Variants in PIK3CA observed in about 807,000 individuals in gnomAD.
The protein encoded by PIK3CA is phosphatidylinositol-4,5-bisphosphate 3-kinase catalytic subunit alpha.
Under a neutral mutation model 138.2 loss-of-function variants are expected in PIK3CA, and 27 were observed. That is an observed-to-expected ratio of 0.20 (90% confidence interval 0.14 to 0.27). PIK3CA has a LOEUF of 0.27. Ranked by LOEUF, PIK3CA falls within the 10% of genes least tolerant of loss-of-function variation. The pLI is 1.00. For missense variants in PIK3CA, 544 were observed against 1,277.4 expected (o/e 0.43, Z 8.75); for synonymous variants, 358 against 413.2 (o/e 0.87, Z 1.62).
At position 179,148,478 on chromosome 3, in the gene PIK3CA, C is replaced by A. The variant is rs1256974000; in HGVS notation, c.-202C>A. ...GCCCGGCCGGGCAGCTCCGGAGCGGCGGGGGAGAGGGGCCGGGAGGCGGGG... is the reference window on the plus strand; with the variant it reads ...GCCCGGCCGGGCAGCTCCGGAGCGGAGGGGGAGAGGGGCCGGGAGGCGGGG... On this transcript the variant is annotated 5_prime_UTR_variant, in exon 1 of 21. Coordinates refer to ENST00000263967, the MANE Select transcript of PIK3CA (RefSeq NM_006218.4). 1 of 149,534 alleles carries A rather than the reference C, an allele frequency of 6.7e-6. No homozygotes were observed. The highest frequency in any genetic ancestry group is 2.5e-5 in the African/African-American group (1 of 40,700). 9.3% of individuals were successfully genotyped at this position (149,534 alleles called of 1,614,324 possible).
intron 1 of PIK3CA, among the ~76,000 whole-genome samples, chr3:179,194,116 A>T (rs1336918615): frequency 6.6e-6 from 1 of 152,208 alleles, no homozygotes; most frequent in Non-Finnish European, 1.5e-5. Flanking sequence ...TGTTCATTTG[A>T]TTATAACCTA....
chr3:179,195,142 C>T (rs928092867), intron 1 of PIK3CA, among the ~76,000 whole-genome samples: 9 of 151,928 alleles, frequency 5.9e-5, no homozygotes, highest in Admixed American at 5.9e-4. Context: ...TGGGAAAGCA[C>T]CGGCATCTGA....
chr3:179,213,589 A>T (rs576904127), intron 9 of PIK3CA, among the ~76,000 whole-genome samples: 1 of 152,270 alleles, frequency 6.6e-6, no homozygotes, highest in African/African-American at 2.4e-5. Flanking sequence ...ACCCTTCCTT[A>T]TGTGAAAGAT....
intron 1 of PIK3CA, among the ~76,000 whole-genome samples, chr3:179,165,959 T>G (rs1307909017): frequency 1.3e-5 from 2 of 152,230 alleles, no homozygotes; most frequent in African/African-American, 4.8e-5. Flanking sequence ...CTCTTCTGTA[T>G]TTCCATAGCC....
At chr3:179,181,172 A>G (rs1054051339) in intron 1 of PIK3CA, among the ~76,000 whole-genome samples, 1 of 152,184 alleles carries the variant, frequency 6.6e-6, no homozygotes, top group Non-Finnish European at 1.5e-5. Flanking sequence ...ACAGATGGAC[A>G]GTTCTGTTAG....
At chr3:179,167,868 T>G (rs1257262736) in intron 1 of PIK3CA, among the ~76,000 whole-genome samples, 5 of 152,178 alleles carry the variant, frequency 3.3e-5, no homozygotes, top group African/African-American at 1.2e-4. Flanking sequence ...CCCTAAAGTT[T>G]CCAATTACTT....
At chr3:179,162,408 G>A (rs909213301) in intron 1 of PIK3CA, among the ~76,000 whole-genome samples, 5 of 151,914 alleles carry the variant, frequency 3.3e-5, no homozygotes, top group Non-Finnish European at 5.9e-5. Flanking sequence ...ACAGGGTTTC[G>A]CCATGTTGCC....
At chr3:179,187,725 C>T (rs1187573916) in intron 1 of PIK3CA, among the ~76,000 whole-genome samples, 2 of 151,288 alleles carry the variant, frequency 1.3e-5, no homozygotes, top group East Asian at 2.0e-4. Flanking sequence ...GCAACCTCCA[C>T]CTCCCGGGTT....
At chr3:179,170,095 C>T (rs187070470) in intron 1 of PIK3CA, among the ~76,000 whole-genome samples, 178 of 151,916 alleles carry the variant, frequency 1.2e-3, no homozygotes, top group African/African-American at 4.1e-3. Flanking sequence ...CACACACACA[C>T]ACACGACCTT....
At chr3:179,229,137 A>T in intron 17 of PIK3CA, 135 bp from the exon 18 acceptor site, 1 of 610,254 alleles carries the variant, frequency 1.6e-6, no homozygotes. Flanking sequence ...TAAAAAAGAA[A>T]ATTAAAATTG....
intron 1 of PIK3CA, among the ~76,000 whole-genome samples, chr3:179,198,511 T>G (rs1724323793): frequency 6.6e-6 from 1 of 152,250 alleles, no homozygotes; most frequent in Non-Finnish European, 1.5e-5. Flanking sequence ...TAGTGTTTTC[T>G]TAAATGACTT....
intron 1 of PIK3CA, among the ~76,000 whole-genome samples, chr3:179,186,061 T>G (rs1002035809): frequency 6.6e-6 from 1 of 152,214 alleles, no homozygotes; most frequent in Non-Finnish European, 1.5e-5. Flanking sequence ...GCCTTGGTTT[T>G]TCTGGTGACC....
chr3:179,149,267 T>G (rs1041406358), intron 1 of PIK3CA, among the ~76,000 whole-genome samples: 1 of 152,296 alleles, frequency 6.6e-6, no homozygotes, highest in East Asian at 1.9e-4. Flanking sequence ...GTGACTTGTC[T>G]CTTTACTAAG....
chr3:179,154,447 T>G (rs1281689814), intron 1 of PIK3CA, among the ~76,000 whole-genome samples: 5 of 152,096 alleles, frequency 3.3e-5, no homozygotes, highest in East Asian at 1.9e-4. Flanking sequence ...GTGGAACAGT[T>G]TCATCCCCAA....
At chr3:179,203,929 T>C in intron 5 of PIK3CA, 140 bp downstream of exon 5, 2 of 606,408 alleles carry the variant, frequency 3.3e-6, no homozygotes, top group East Asian at 2.8e-5. Context: ...TGTAAAAATA[T>C]ATCAAGAATT....
intron 1 of PIK3CA, among the ~76,000 whole-genome samples, chr3:179,173,099 AT>A (rs1423970862): frequency 2.6e-5 from 4 of 151,980 alleles, no homozygotes; most frequent in Non-Finnish European, 5.9e-5. Flanking sequence ...GAAATGTAAC[AT>A]TTATAATAAT....
intron 17 of PIK3CA, among the ~76,000 whole-genome samples, chr3:179,226,812 C>T (rs1725092979): frequency 6.6e-6 from 1 of 152,112 alleles, no homozygotes; most frequent in Non-Finnish European, 1.5e-5. Flanking sequence ...AGAAAGTGGA[C>T]ATTTCAGGTG....
intron 3 of PIK3CA, among the ~76,000 whole-genome samples, chr3:179,200,370 T>G (rs897546394): frequency 1.3e-5 from 2 of 152,078 alleles, no homozygotes. Flanking sequence ...ATTTTTGATA[T>G]TTAATATATT....
intron 1 of PIK3CA, among the ~76,000 whole-genome samples, chr3:179,168,224 A>G (rs1341894834): frequency 6.6e-6 from 1 of 152,140 alleles, no homozygotes; most frequent in Non-Finnish European, 1.5e-5. Flanking sequence ...GGGAAGTAAA[A>G]CTTTGGAAAA....
Sources: gnomAD v4.1 joint callset for allele counts (sites outside exome capture counted in the v4.1 genomes callset) on GRCh38, gnomAD v4.1.1 for gene constraint, MANE v1.5 for transcripts, NCBI Gene and HGNC (gene_info 2026-07-23, HGNC 2026-07-21) for gene names.